The following GNG2 variants were observed in gnomAD, a reference collection of about 807,000 sequenced individuals.
GNG2 encodes guanine nucleotide-binding protein G(I)/G(S)/G(O) subunit gamma-2.
A neutral mutation model predicts 5.5 loss-of-function variants in GNG2; 5 were observed. The ratio of observed to expected loss-of-function variants is 0.91; its 90% CI spans 0.48 to 1.92. GNG2 has a LOEUF of 1.92. Ranked by LOEUF, GNG2 falls within the 30% of genes most tolerant of loss-of-function variation. The pLI, the probability that GNG2 is intolerant of heterozygous loss-of-function variation, is 0.01. For missense variants in GNG2, 55 were observed against 88.4 expected (o/e 0.62, Z 1.52); for synonymous variants, 28 against 32.0 (o/e 0.88, Z 0.42).
At chr14:51,881,101 GA>G (rs1197090778) in intron 2 of GNG2, among the ~76,000 whole-genome samples, 1 of 152,030 alleles carries the variant, frequency 6.6e-6, no homozygotes, top group Non-Finnish European at 1.5e-5. Context: ...TCTGATGATG[GA>G]AGCTTTAATA....
chr14:51,929,145 T>G (rs1887512786), intron 2 of GNG2, among the ~76,000 whole-genome samples: 1 of 152,180 alleles, frequency 6.6e-6, no homozygotes, highest in Non-Finnish European at 1.5e-5. Flanking sequence ...AAAGTATTAA[T>G]TAGACCTCTG....
intron 2 of GNG2, among the ~76,000 whole-genome samples, chr14:51,912,754 G>T (rs1886368463): frequency 6.7e-6 from 1 of 150,204 alleles, no homozygotes; most frequent in South Asian, 2.1e-4. Context: ...CCCCACACAG[G>T]TGAACAACAT....
chr14:51,928,719 T>C (rs1212536468), intron 2 of GNG2, among the ~76,000 whole-genome samples: 1 of 152,180 alleles, frequency 6.6e-6, no homozygotes, highest in Non-Finnish European at 1.5e-5. Context: ...CCCACCCACC[T>C]CCAATCACTT....
intron 2 of GNG2, among the ~76,000 whole-genome samples, chr14:51,930,936 C>T (rs1267015577): frequency 2.6e-5 from 4 of 152,062 alleles, no homozygotes; most frequent in South Asian, 2.1e-4. Flanking sequence ...CTCATTAGTG[C>T]GAGGATGGCA....
chr14:51,875,276 G>T (rs984152860), intron 1 of GNG2, among the ~76,000 whole-genome samples: 8 of 152,328 alleles, frequency 5.3e-5, no homozygotes, highest in Non-Finnish European at 1.0e-4. Flanking sequence ...TTGTCACAAA[G>T]GCTCTGCTAT....
At chr14:51,862,608 GCA>G (rs1342798169) in intron 1 of GNG2, among the ~76,000 whole-genome samples, 1 of 152,258 alleles carries the variant, frequency 6.6e-6, no homozygotes, top group East Asian at 1.9e-4. Flanking sequence ...GTTTGGGGAG[GCA>G]CAGACAATCT....
At chr14:51,964,602 C>T (rs1889791697) in intron 3 of GNG2, among the ~76,000 whole-genome samples, 1 of 152,198 alleles carries the variant, frequency 6.6e-6, no homozygotes, top group Non-Finnish European at 1.5e-5. Flanking sequence ...CAGAATGTTG[C>T]TTCTATCTGT....
At chr14:51,966,227 A>AAAAAAAAAAAAAAAAAAC (rs1566720324) in intron 3 of GNG2, among the ~76,000 whole-genome samples, 1 of 148,938 alleles carries the variant, frequency 6.7e-6, no homozygotes, top group African/African-American at 2.5e-5. Context: ...AAAAAAAAAA[A>AAAAAAAAAAAAAAAAAAC]AAAAAAAAAA....
At chr14:51,917,807 G>A (rs929560323) in intron 2 of GNG2, among the ~76,000 whole-genome samples, 1 of 152,076 alleles carries the variant, frequency 6.6e-6, no homozygotes, top group Non-Finnish European at 1.5e-5. Flanking sequence ...AAGGTGGGCG[G>A]ATCACCTGAG....
chr14:51,955,422 A>T (rs1889219712), intron 3 of GNG2, among the ~76,000 whole-genome samples: 1 of 152,058 alleles, frequency 6.6e-6, no homozygotes. Context: ...AATTAGTTTC[A>T]TCTTCATCAA....
chr14:51,834,198 G>T (rs1881273449), intron 2 of GNG2, among the ~76,000 whole-genome samples: 1 of 152,222 alleles, frequency 6.6e-6, no homozygotes, highest in Non-Finnish European at 1.5e-5. Context: ...GAGAAGAGCT[G>T]GAATTGTCTC....
rs138981010 is a variant in GNG2 at position 51,906,034 on chromosome 14, C to T, written c.-30+28377C>T. Among the ~76,000 whole-genome samples, 22 of 152,304 alleles carry T rather than the reference C, an allele frequency of 1.4e-4. No homozygotes were observed. In the East Asian group the frequency reaches 3.5e-3, roughly 24 times the overall value. The stretch of plus-strand genomic sequence containing the variant: ...ACAGACTAATACACAGGGTACCCTT[C>T]GGTACAACAGAGAACTGAAACAGAT... On this transcript the variant is annotated intron_variant, in intron 2 of 3. Transcript: ENST00000556766.
intron 2 of GNG2, among the ~76,000 whole-genome samples, chr14:51,905,477 C>T (rs1306223642): frequency 2.0e-5 from 3 of 152,156 alleles, no homozygotes. Flanking sequence ...TTTGGCTGAG[C>T]TTTTCTGACC....
intron 2 of GNG2, among the ~76,000 whole-genome samples, chr14:51,881,664 C>T (rs1246963079): frequency 6.7e-6 from 1 of 148,996 alleles, no homozygotes; most frequent in Non-Finnish European, 1.5e-5. Context: ...AAATTAGCTT[C>T]CCTAGAATAG....
At chr14:51,870,549 T>C (rs1021761239) in intron 1 of GNG2, among the ~76,000 whole-genome samples, 4 of 152,380 alleles carry the variant, frequency 2.6e-5, no homozygotes, top group Admixed American at 1.3e-4. Flanking sequence ...AGTAATGAGC[T>C]AGAGACGCCA....
At chr14:51,828,628 A>G (rs1467211620) in intron 2 of GNG2, among the ~76,000 whole-genome samples, 2 of 152,150 alleles carry the variant, frequency 1.3e-5, no homozygotes, top group African/African-American at 4.8e-5. Context: ...CATTCTACCC[A>G]GGTATGAAGT....
intron 2 of GNG2, among the ~76,000 whole-genome samples, chr14:51,831,187 G>C (rs191535504): frequency 1.3e-5 from 2 of 152,132 alleles, no homozygotes; most frequent in Non-Finnish European, 2.9e-5. Flanking sequence ...AGGCCCCTGC[G>C]TTTAATATTA....
chr14:51,863,985 A>G (rs1882698558), intron 1 of GNG2, among the ~76,000 whole-genome samples: 1 of 152,202 alleles, frequency 6.6e-6, no homozygotes, highest in Admixed American at 6.5e-5. Flanking sequence ...CGGGTGTACA[A>G]ATATCTGTTA....
intron 3 of GNG2, among the ~76,000 whole-genome samples, chr14:51,954,539 G>C (rs1889169125): frequency 6.6e-6 from 1 of 152,110 alleles, no homozygotes; most frequent in Admixed American, 6.5e-5. Flanking sequence ...CTAATAATAG[G>C]AATCTCAACC....
Sources: allele counts gnomAD v4.1 joint callset (sites outside exome capture counted in the v4.1 genomes callset), GRCh38; gene constraint gnomAD v4.1.1; transcripts MANE v1.5; gene names NCBI Gene and HGNC (gene_info 2026-07-23, HGNC 2026-07-21).